PRKAG2: variants seen among roughly 807,000 people sequenced by gnomAD.
PRKAG2 encodes 5'-AMP-activated protein kinase subunit gamma-2.
In PRKAG2, 26 loss-of-function variants were observed where a neutral mutation model predicts 69.6. The observed-to-expected ratio is 0.37, with a 90% CI of 0.27 to 0.52. PRKAG2 has a LOEUF of 0.52. Among genes scored for constraint, PRKAG2 ranks in the 20% least tolerant of loss-of-function variants. The pLI, the probability that PRKAG2 is intolerant of heterozygous loss-of-function variation, is 0.90. For missense variants in PRKAG2, 557 were observed against 740.0 expected, an observed-to-expected ratio of 0.75 and a Z score of 2.87; for synonymous variants, 293 against 285.0, an observed-to-expected ratio of 1.03 and a Z score of -0.28.
chr7:151,724,963 G>A (rs187982272), intron 3 of PRKAG2, among the ~76,000 whole-genome samples: 138 of 152,236 alleles, frequency 9.1e-4, no homozygotes, highest in African/African-American at 3.2e-3. Context: ...CACTGTGGCC[G>A]TGAGTCCAGG....
chr7:151,664,010 GA>G (rs920902339), intron 4 of PRKAG2, among the ~76,000 whole-genome samples: 49 of 152,332 alleles, frequency 3.2e-4, no homozygotes, highest in Admixed American at 2.0e-3. Context: ...ATAAATAAAT[GA>G]ATGCACGTAG....
At chr7:151,677,898 T>C (rs1397379942) in intron 3 of PRKAG2, among the ~76,000 whole-genome samples, 1 of 152,228 alleles carries the variant, frequency 6.6e-6, no homozygotes, top group East Asian at 1.9e-4. Context: ...GGCTGCTCGA[T>C]TTGCGAATCG....
chr7:151,801,565 G>A lies in PRKAG2; in HGVS notation c.115-15024C>T, dbSNP rs957461894. Among the ~76,000 whole-genome samples the A allele has an allele frequency of 6.6e-5, 10 of 152,254 alleles. No individual in the cohort carries two copies. The South Asian group carries it at 8.3e-4, about 13-fold the overall frequency. ...GCAGCTGGTTCATCGGGGAGACTAC[G>A]TGGTGCAGAAAAGCTTGAGTTTCTT... On this transcript the variant is annotated intron_variant, in intron 1 of 15. Transcript: ENST00000287878.
intron 4 of PRKAG2, among the ~76,000 whole-genome samples, chr7:151,664,619 T>C (rs1360154625): frequency 1.3e-5 from 2 of 152,198 alleles, no homozygotes; most frequent in Non-Finnish European, 2.9e-5. Context: ...ATCATGATGG[T>C]TTCTTAGACA....
chr7:151,637,831 T>C (rs996592654), intron 4 of PRKAG2, among the ~76,000 whole-genome samples: 1 of 152,104 alleles, frequency 6.6e-6, no homozygotes, highest in Non-Finnish European at 1.5e-5. Context: ...ACACAGAACT[T>C]GAAGCTGGTG....
chr7:151,565,448 A>T (rs1030978455), intron 12 of PRKAG2, 65 bp from the exon 13 acceptor site: 2 of 1,159,662 alleles, frequency 1.7e-6, no homozygotes, highest in African/African-American at 1.6e-5. Flanking sequence ...ATTTAAAATC[A>T]GTTTTAATGA....
chr7:151,557,470 A>C (rs1360616143), intron 15 of PRKAG2: 1 of 970,394 alleles, frequency 1.0e-6, no homozygotes, highest in Non-Finnish European at 1.2e-6. Context: ...CTTGGAAAAC[A>C]AAAAAAAAGA....
At chr7:151,572,765 T>C (rs1444706136) in intron 8 of PRKAG2, 56 bp from the exon 9 acceptor site, 16 of 1,121,536 alleles carry the variant, frequency 1.4e-5, no homozygotes, top group African/African-American at 8.0e-5. Flanking sequence ...AGAAAAAATA[T>C]TTGGAAAATG....
intron 1 of PRKAG2, among the ~76,000 whole-genome samples, chr7:151,833,126 T>G (rs1482944983): frequency 6.6e-6 from 1 of 152,156 alleles, no homozygotes; most frequent in Non-Finnish European, 1.5e-5. Context: ...CTAATTTCAT[T>G]CCGGTAAGAA....
chr7:151,777,618 C>G lies in PRKAG2; in HGVS notation c.466+3534G>C, dbSNP rs368521565. ...AAGCAGCCTGAAGCCCTTGCAAACA[C>G]CTTGGCAGAGATCACGACAGCAGGA... On this transcript the variant is annotated intron_variant, in intron 3 of 15. Coordinates refer to ENST00000287878, the MANE Select transcript of PRKAG2 (RefSeq NM_016203.4). This position sits in a 1 kb window ranked among gnomAD's most constrained non-coding sequence, Gnocchi z 4.3. 2.0e-5 allele frequency among the ~76,000 whole-genome samples: 3 copies of G among 152,204 alleles called. No individual in the cohort carries two copies. Among genetic ancestry groups the G allele is most frequent in the Non-Finnish European group, 4.4e-5 (3 of 68,038 alleles).
At chr7:151,857,308 G>A (rs2079807558) in intron 1 of PRKAG2, among the ~76,000 whole-genome samples, 1 of 148,772 alleles carries the variant, frequency 6.7e-6, no homozygotes, top group Non-Finnish European at 1.5e-5. Context: ...GCCCTACAGA[G>A]TTCTGCACAA....
intron 3 of PRKAG2, among the ~76,000 whole-genome samples, chr7:151,746,777 G>T (rs566267921): frequency 5.9e-5 from 9 of 152,172 alleles, no homozygotes; most frequent in Non-Finnish European, 1.0e-4. Flanking sequence ...AGAGAGCGCT[G>T]GGCTCCACGA....
rs368637364 is a variant in PRKAG2, at chr7:151,675,514, G to A, written c.590C>T (p.Pro197Leu). ...LENRIYASSS[P>L]PDTGQRFCPS... ...GCAGAACCTCTGCCCTGTGTCCGGG[G>A]GGGAAGACGAGGCATAGATGCGATT... Residue 197 changes from proline to leucine, a missense_variant, in exon 4 of 16, where the codon CCC (proline) becomes CTC (leucine). Transcript: ENST00000287878. 20 of 1,614,092 alleles carry A rather than the reference G, an allele frequency of 1.2e-5. No homozygotes were observed. The highest frequency in any genetic ancestry group is 1.4e-5 in the Non-Finnish European group (16 of 1,180,036).
intron 1 of PRKAG2, among the ~76,000 whole-genome samples, chr7:151,847,871 G>A (rs570778844): frequency 1.2e-4 from 18 of 152,236 alleles, no homozygotes; most frequent in African/African-American, 2.4e-4. Flanking sequence ...CGGGCTCCCC[G>A]GAGCAGACTG....
chr7:151,628,425 T>C (rs1000188257), intron 5 of PRKAG2, among the ~76,000 whole-genome samples: 7 of 152,138 alleles, frequency 4.6e-5, no homozygotes, highest in Non-Finnish European at 1.0e-4. Flanking sequence ...CAGAAAGGGA[T>C]TGCTGGCTGG....
At chr7:151,872,442 C>T (rs923451125) in intron 1 of PRKAG2, among the ~76,000 whole-genome samples, 1 of 152,210 alleles carries the variant, frequency 6.6e-6, no homozygotes, top group African/African-American at 2.4e-5. Flanking sequence ...AGAAAAGACA[C>T]TCAGACAGGA....
chr7:151,759,367 G>A (rs2075286186), intron 3 of PRKAG2, among the ~76,000 whole-genome samples: 1 of 152,124 alleles, frequency 6.6e-6, no homozygotes, highest in South Asian at 2.1e-4. Flanking sequence ...TGTTCCTCTT[G>A]GCACTTGGGA....
At chr7:151,801,848 T>C (rs1439732056) in intron 1 of PRKAG2, among the ~76,000 whole-genome samples, 1 of 152,152 alleles carries the variant, frequency 6.6e-6, no homozygotes, top group Non-Finnish European at 1.5e-5. Context: ...CTTTGTTTTT[T>C]CAAACAAGAA....
At chr7:151,765,122 T>C (rs2151765358) in intron 3 of PRKAG2, among the ~76,000 whole-genome samples, 1 of 152,318 alleles carries the variant, frequency 6.6e-6, no homozygotes, top group Admixed American at 6.5e-5. Flanking sequence ...GTTCTCACAC[T>C]GCTAGAAGGA....
Sources: gnomAD v4.1 joint callset for allele counts (sites outside exome capture counted in the v4.1 genomes callset) on GRCh38, gnomAD v4.1.1 for gene constraint, Gnocchi (gnomAD v3.1) non-coding constraint, MANE v1.5 for transcripts, NCBI Gene and HGNC (gene_info 2026-07-23, HGNC 2026-07-21) for gene names.